SEMA5B: variants seen among roughly 807,000 people sequenced by gnomAD.
SEMA5B encodes semaphorin 5B.
Under a neutral mutation model 135.0 loss-of-function variants are expected in SEMA5B, and 66 were observed. That is an observed-to-expected ratio of 0.49 (90% confidence interval 0.40 to 0.60). The LOEUF (loss-of-function observed/expected upper bound fraction) is 0.60, where lower values mean the gene tolerates loss of function less well. Among genes scored for constraint, SEMA5B ranks in the 20% least tolerant of loss-of-function variants. The pLI is 0.00. For missense variants in SEMA5B, 1,501 were observed against 1,566.3 expected, an observed-to-expected ratio of 0.96 and a Z score of 0.70; for synonymous variants, 690 against 639.5, an observed-to-expected ratio of 1.08 and a Z score of -1.19.
At chr3:123,025,359 G>A (rs1942774142) in intron 1 of SEMA5B, among the ~76,000 whole-genome samples, 1 of 152,064 alleles carries the variant, frequency 6.6e-6, no homozygotes, top group Admixed American at 6.5e-5. Context: ...TCCTCTCCAT[G>A]TTCTCCCTCC....
intron 5 of SEMA5B, among the ~76,000 whole-genome samples, chr3:122,936,555 T>G (rs1459277118): frequency 6.6e-6 from 1 of 152,176 alleles, no homozygotes; most frequent in East Asian, 1.9e-4. Flanking sequence ...CAAACCAAGA[T>G]CATAAATCTG....
At chr3:123,005,007 G>T (rs1942271088) in intron 1 of SEMA5B, among the ~76,000 whole-genome samples, 1 of 152,200 alleles carries the variant, frequency 6.6e-6, no homozygotes, top group African/African-American at 2.4e-5. Flanking sequence ...GTGGAACTCT[G>T]AGAGGTTATC....
intron 2 of SEMA5B, among the ~76,000 whole-genome samples, chr3:122,949,164 C>T (rs947529317): frequency 6.6e-5 from 10 of 152,214 alleles, no homozygotes; most frequent in African/African-American, 2.4e-4. Context: ...AGGCAGGATC[C>T]TTTATATCTT....
intron 1 of SEMA5B, among the ~76,000 whole-genome samples, chr3:122,981,323 G>A (rs894921090): frequency 6.6e-6 from 1 of 152,242 alleles, no homozygotes; most frequent in Non-Finnish European, 1.5e-5. Context: ...TGAGGTAGGG[G>A]ACTGGGCACC....
chr3:123,021,574 C>G (rs1942677908), intron 1 of SEMA5B, among the ~76,000 whole-genome samples: 2 of 152,138 alleles, frequency 1.3e-5, no homozygotes, highest in Non-Finnish European at 2.9e-5. Flanking sequence ...GGGAGGCCTT[C>G]CGGACAATGG....
chr3:122,921,375 G>C (rs1374333093), intron 12 of SEMA5B, among the ~76,000 whole-genome samples: 3 of 152,188 alleles, frequency 2.0e-5, no homozygotes, highest in Non-Finnish European at 4.4e-5. Context: ...ACCAAGTTCA[G>C]AAGCAGTGGG....
At chr3:123,001,429 A>T (rs1942173268) in intron 1 of SEMA5B, among the ~76,000 whole-genome samples, 2 of 152,064 alleles carry the variant, frequency 1.3e-5, no homozygotes, top group African/African-American at 4.8e-5. Flanking sequence ...GGCAGCAGAA[A>T]ATTCACAAAG....
At chr3:122,957,520 T>C (rs1326652611) in intron 2 of SEMA5B, among the ~76,000 whole-genome samples, 1 of 152,192 alleles carries the variant, frequency 6.6e-6, no homozygotes, top group African/African-American at 2.4e-5. Flanking sequence ...CTTCTTTTCT[T>C]TTTAGTGTAA....
Position 122,980,753 on chromosome 3 carries a change from A to G in SEMA5B, c.-38-19452T>C, listed in dbSNP as rs1576387402. Among the ~76,000 whole-genome samples the G allele has an allele frequency of 3.3e-5, 5 of 152,290 alleles. No individual in the cohort carries two copies. The South Asian group carries it at 1.0e-3, about 32-fold the overall frequency. On this transcript the variant is annotated intron_variant, in intron 1 of 22. Transcript: ENST00000357599. Reference sequence around the variant, plus strand: ...CACACTGCTGTGTACTATCGCCACCATTCATCTCTAGCACCTACTCATTTT... The same window carrying G: ...CACACTGCTGTGTACTATCGCCACCGTTCATCTCTAGCACCTACTCATTTT...
chr3:122,969,769 A>T (rs1941032721), intron 1 of SEMA5B, among the ~76,000 whole-genome samples: 1 of 152,186 alleles, frequency 6.6e-6, no homozygotes, highest in Non-Finnish European at 1.5e-5. Context: ...GTTTGTGCCA[A>T]CAGCGGGGGT....
At chr3:122,963,332 A>G (rs1274886089) in intron 1 of SEMA5B, among the ~76,000 whole-genome samples, 3 of 152,100 alleles carry the variant, frequency 2.0e-5, no homozygotes, top group African/African-American at 7.2e-5. Context: ...CCCCATCTCT[A>G]CTAACAAACA....
chr3:122,966,890 T>C (rs1365806842), intron 1 of SEMA5B, among the ~76,000 whole-genome samples: 1 of 142,640 alleles, frequency 7.0e-6, no homozygotes, highest in African/African-American at 2.6e-5. Context: ...ATTATTATTA[T>C]TATTATTATT....
chr3:122,936,305 G>A (rs1050408823), intron 5 of SEMA5B, among the ~76,000 whole-genome samples: 1 of 152,148 alleles, frequency 6.6e-6, no homozygotes, highest in Admixed American at 6.5e-5. Context: ...GGACACTTGG[G>A]GGCCAGGGAC....
At chr3:122,923,220 C>T (rs895008896) in intron 10 of SEMA5B, among the ~76,000 whole-genome samples, 1 of 152,206 alleles carries the variant, frequency 6.6e-6, no homozygotes, top group African/African-American at 2.4e-5. Context: ...CCACTCCTAG[C>T]ACTGACCACT....
intron 1 of SEMA5B, among the ~76,000 whole-genome samples, chr3:122,980,812 T>C (rs546586275): frequency 2.6e-4 from 39 of 152,202 alleles, no homozygotes; most frequent in Admixed American, 2.6e-3. Flanking sequence ...AAACAGTAAC[T>C]CCCCAATCCC....
intron 17 of SEMA5B, 62 bp from the exon 18 acceptor site, chr3:122,913,123 C>T: frequency 7.0e-7 from 1 of 1,421,818 alleles, no homozygotes; most frequent in South Asian, 1.5e-5. Flanking sequence ...GCCTGGGCCT[C>T]CCCGGGGCTC....
chr3:122,912,862 G>T lies in SEMA5B; in HGVS notation c.2706C>A (p.Cys902Ter). The T allele has an allele frequency of 6.3e-7, 1 of 1,592,200 alleles. No homozygotes were observed. The highest frequency in any genetic ancestry group is 8.6e-7 in the Non-Finnish European group (1 of 1,167,796). The change falls in exon 18 of 23, where the codon TGC (cysteine) becomes TGA (stop). Residue 902 changes from cysteine (C) to a stop codon, truncating the protein, a stop_gained. Coordinates refer to ENST00000357599, the MANE Select transcript of SEMA5B (RefSeq NM_001031702.4). LOFTEE classifies it high-confidence loss of function. ...GGTTACCTGGGCAAGCCTGGGGGTT[G>T]CAGTCCTGGTACTCGGCAGCATCGC... The part of the protein sequence containing the change: ...CVGDAAEYQD[C>*]NPQACPVRGA...
At chr3:122,984,947 C>T (rs1010333706) in intron 1 of SEMA5B, among the ~76,000 whole-genome samples, 5 of 152,102 alleles carry the variant, frequency 3.3e-5, no homozygotes, top group Non-Finnish European at 5.9e-5. Context: ...ATTTCAAATA[C>T]GTTTCTGGAT....
intron 1 of SEMA5B, among the ~76,000 whole-genome samples, chr3:122,999,186 T>A (rs1236811432): frequency 3.3e-5 from 5 of 152,220 alleles, no homozygotes; most frequent in Non-Finnish European, 2.9e-5. Flanking sequence ...AATTGAGGCA[T>A]GTCCCCAGCT....
Sources: gnomAD v4.1 joint callset for allele counts (sites outside exome capture counted in the v4.1 genomes callset) on GRCh38, gnomAD v4.1.1 for gene constraint, MANE v1.5 for transcripts, NCBI Gene and HGNC (gene_info 2026-07-23, HGNC 2026-07-21) for gene names.